Variants in PLCH2 observed in about 807,000 individuals in gnomAD.
PLCH2 encodes the protein phospholipase C eta 2, also known as 1-phosphatidylinositol 4,5-bisphosphate phosphodiesterase eta-2.
A neutral mutation model predicts 134.7 loss-of-function variants in PLCH2; 98 were observed. The observed-to-expected ratio is 0.73, with a 90% confidence interval of 0.62 to 0.86. The LOEUF (loss-of-function observed/expected upper bound fraction) is 0.86, where lower values mean the gene tolerates loss of function less well. Ranked by LOEUF, PLCH2 falls within the 40% of genes least tolerant of loss-of-function variation. PLCH2 has a pLI of 0.00. For synonymous variants in PLCH2, 974 were observed against 827.5 expected, an observed-to-expected ratio of 1.18 and a Z score of -3.04; for missense variants, 1,994 against 1,986.6, an observed-to-expected ratio of 1.00 and a Z score of -0.07.
intron 21 of PLCH2, 82 bp downstream of exon 21, chr1:2,502,491 G>C (rs1297764787): frequency 1.5e-6 from 2 of 1,341,908 alleles, no homozygotes; most frequent in Non-Finnish European, 1.0e-6. Flanking sequence ...GGGCCTGCTG[G>C]GATGGCCGCC....
In PLCH2 at chr1:2,476,668, G is replaced by T; in HGVS notation, c.80G>T (p.Gly27Val). The change falls in exon 1 of 22, where the codon GGA (glycine) becomes GTA (valine). Residue 27 changes from glycine to valine, a missense_variant. By Grantham distance (109) the Gly-to-Val change is moderately radical (BLOSUM62 -3). Coordinates refer to ENST00000378486, the MANE Select transcript of PLCH2 (RefSeq NM_014638.4). ...CTGGCGGAGGTACTCCTCTGGGTTG[G>T]AGGGAGTGTGGTGCTGTCTTCAGAG... ...AWLAEVLLWV[G>V]GSVVLSSEWQ... The T allele has an allele frequency of 6.2e-7, 1 of 1,610,778 alleles. No individual in the cohort carries two copies.
At position 2,499,642 on chromosome 1, in the gene PLCH2, C is replaced by A. The variant is rs775307445; in HGVS notation, c.2583C>A (p.Gly861=). Residue 861 remains glycine (G), a splice_region_variant and synonymous_variant, in exon 20 of 22, where the codon GGC becomes GGA. Coordinates refer to ENST00000378486, the MANE Select transcript of PLCH2 (RefSeq NM_014638.4). The part of the protein sequence containing the change: ...RTLAFSSMMP[G]YRHVYLEGME... Reference sequence around the variant, plus strand: ...CCCTGCTGACCCACACTGCTCCAGGCTACAGACACGTGTACCTAGAAGGGA... The same window carrying A: ...CCCTGCTGACCCACACTGCTCCAGGATACAGACACGTGTACCTAGAAGGGA... The A allele has an allele frequency of 4.4e-6, 7 of 1,598,566 alleles. No individual in the cohort carries two copies. The highest frequency in any genetic ancestry group is 6.0e-6 in the Non-Finnish European group (7 of 1,172,946).
At chr1:2,489,929 C>T (rs200930776) in intron 10 of PLCH2, 62 bp downstream of exon 10, 18 of 1,215,318 alleles carry the variant, frequency 1.5e-5, no homozygotes, top group Middle Eastern at 3.8e-4. Flanking sequence ...AACAGCTGTC[C>T]GTCCTTGCTG....
intron 13 of PLCH2, among the ~76,000 whole-genome samples, 179 bp from the exon 14 acceptor site, chr1:2,496,428 C>T (rs1427662157): frequency 6.6e-6 from 1 of 152,252 alleles, no homozygotes; most frequent in Non-Finnish European, 1.5e-5. Context: ...AGCCAGCCCA[C>T]ATCCTGCCCA....
intron 2 of PLCH2, among the ~76,000 whole-genome samples, chr1:2,440,247 C>T (rs116663674): frequency 0.023 from 3,467 of 151,970 alleles, 127 homozygotes; most frequent in African/African-American, 0.079. Context: ...TGGGAGCGCC[C>T]GGGAAGGAAG....
At chr1:2,464,728 G>A (rs566157993), upstream of PLCH2, among the ~76,000 whole-genome samples, 11 of 152,344 alleles carry the variant, frequency 7.2e-5, no homozygotes, top group South Asian at 2.1e-3. Flanking sequence ...ATGCTGGGTG[G>A]TGCCCTGCCT....
chr1:2,502,803 G>A (rs1299744969), intron 21 of PLCH2: 1 of 717,104 alleles, frequency 1.4e-6, no homozygotes, highest in Admixed American at 2.0e-5. Context: ...TCCCCCCGCT[G>A]GCCTGAGGGT....
upstream of PLCH2, among the ~76,000 whole-genome samples, chr1:2,472,580 G>A (rs1278739852): frequency 6.6e-6 from 1 of 152,222 alleles, no homozygotes; most frequent in Admixed American, 6.5e-5. Flanking sequence ...CCTGGAGGGT[G>A]GGTAGGCTGG....
intron 16 of PLCH2, 142 bp downstream of exon 16, chr1:2,497,751 G>A: frequency 1.7e-6 from 1 of 594,244 alleles, no homozygotes; most frequent in African/African-American, 1.8e-5. Flanking sequence ...GGTCAGGTTG[G>A]GACGAAGCTC....
At chr1:2,481,742 A>G (rs1026944075) in intron 4 of PLCH2, among the ~76,000 whole-genome samples, 1 of 152,212 alleles carries the variant, frequency 6.6e-6, no homozygotes, top group African/African-American at 2.4e-5. Context: ...GTGGAGGCCC[A>G]GTGGCCCTGG....
In PLCH2 at chr1:2,476,573, C is replaced by T. The variant is rs374921166; in HGVS notation, c.-16C>T. 2.8e-4 allele frequency: 422 copies of T among 1,499,550 alleles called. 6 individuals carry two copies. In the South Asian group the frequency reaches 4.7e-3, roughly 17 times the overall value. The allele number at this position is 1,499,550 out of a possible 1,614,324, so 92.9% of individuals were successfully genotyped here. A position where few individuals can be genotyped will look rare whatever the true frequency, so the allele number is the denominator to read the frequency against. ...CTCTGTGGCCTCCGTGAAGCAGGCC[C>T]GGCTGTCGTCAGGCCATGTCTGGTC... On this transcript the variant is annotated 5_prime_UTR_variant, in exon 1 of 22. Transcript: ENST00000378486.
chr1:2,480,268 C>T lies in PLCH2; in HGVS notation c.601C>T (p.Leu201Phe), dbSNP rs768766510. 1 of 1,612,754 alleles carries T rather than the reference C, an allele frequency of 6.2e-7. No homozygotes were observed. The highest frequency in any genetic ancestry group is 1.7e-5 in the Admixed American group (1 of 60,032). The stretch of plus-strand genomic sequence containing the variant: ...CGAGGTCCTGCAGCTGCTGCACAAG[C>T]TCAACGTGAACCTGCCCCGGCAGAG... Reference protein sequence around the residue: ...IGEVLQLLHKLNVNLPRQRVK... With the variant: ...IGEVLQLLHKFNVNLPRQRVK... Residue 201 changes from leucine to phenylalanine, a missense_variant, in exon 4 of 22, where the codon CTC (leucine) becomes TTC (phenylalanine). Physicochemically the swap from Leu to Phe is conservative, Grantham distance 22. Around this residue, in one of 2 missense-constraint regions of PLCH2, gnomAD observed 1,094 missense variants for 1,234.3 expected, o/e 0.89. Coordinates refer to ENST00000378486, the MANE Select transcript of PLCH2 (RefSeq NM_014638.4).
chr1:2,450,145 G>T (rs1303901489), intron 2 of PLCH2, among the ~76,000 whole-genome samples: 1 of 152,218 alleles, frequency 6.6e-6, no homozygotes, highest in African/African-American at 2.4e-5. Flanking sequence ...GGCAGAGGTG[G>T]CTTCATCCGT....
rs1482009858 is a variant in PLCH2, at chr1:2,505,317, CT to C, written c.*105del. The C allele has an allele frequency of 1.2e-6, 1 of 837,166 alleles. No individual in the cohort carries two copies. Among genetic ancestry groups the C allele is most frequent in the South Asian group, 1.8e-5 (1 of 56,826 alleles). The allele number at this position is 837,166 out of a possible 1,614,324, so 51.9% of individuals were successfully genotyped here. A position where few individuals can be genotyped will look rare whatever the true frequency, so the allele number is the denominator to read the frequency against. ...GCCAGGCCCCCAAAACTGTGTCCCC[CT>C]GGCTGCCCTGTGTCCCCTCCACCCC... On this transcript the variant is annotated 3_prime_UTR_variant, in exon 22 of 22. Coordinates refer to ENST00000378486, the MANE Select transcript of PLCH2 (RefSeq NM_014638.4).
At chr1:2,482,664 G>A (rs1017092344) in intron 4 of PLCH2, among the ~76,000 whole-genome samples, 6 of 152,168 alleles carry the variant, frequency 3.9e-5, no homozygotes, top group Non-Finnish European at 8.8e-5. Flanking sequence ...CAAAGGGGCT[G>A]ATGGGGCCAC....
chr1:2,427,457 T>A (rs2100471176), intron 1 of PLCH2, among the ~76,000 whole-genome samples: 1 of 152,234 alleles, frequency 6.6e-6, no homozygotes, highest in African/African-American at 2.4e-5. Context: ...GAGTGGACTC[T>A]CTTGTGGGCT....
At chr1:2,501,963 C>T (rs908879218) in intron 20 of PLCH2, 149 bp from the exon 21 acceptor site, 26 of 665,602 alleles carry the variant, frequency 3.9e-5, no homozygotes, top group Non-Finnish European at 5.8e-5. Flanking sequence ...CTGGTGTGTC[C>T]ACACACCCCC....
Position 2,439,619 on chromosome 1 carries a change from G to A in PLCH2, c.115+8990G>A, listed in dbSNP as rs1011404296. ...CTGCAGTGCTCAGCTGTGCCTCTCCGGGCTGTCTGTCCTCCATGGTGACCT... is the reference window on the plus strand; with the variant it reads ...CTGCAGTGCTCAGCTGTGCCTCTCCAGGCTGTCTGTCCTCCATGGTGACCT... On this transcript the variant is annotated intron_variant, in intron 2 of 3. Transcript: ENST00000609981. This position sits in a 1 kb window ranked among gnomAD's most constrained non-coding sequence, Gnocchi z 4.7. 1.1e-4 allele frequency among the ~76,000 whole-genome samples: 16 copies of A among 152,184 alleles called. No individual in the cohort carries two copies. Among genetic ancestry groups the A allele is most frequent in the African/African-American group, 3.9e-4 (16 of 41,442 alleles).
At chr1:2,466,210 G>A (rs1168794266), upstream of PLCH2, among the ~76,000 whole-genome samples, 2 of 152,170 alleles carry the variant, frequency 1.3e-5, no homozygotes, top group Non-Finnish European at 2.9e-5. Context: ...CAGAGGGAGG[G>A]GGCCGCCCCT....
Sources: allele counts gnomAD v4.1 joint callset (sites outside exome capture counted in the v4.1 genomes callset), GRCh38; gene constraint gnomAD v4.1.1; regional missense constraint gnomAD v4.1.1; non-coding constraint Gnocchi (gnomAD v3.1); transcripts MANE v1.5; gene names NCBI Gene and HGNC (gene_info 2026-07-23, HGNC 2026-07-21).